Variants in CIAO1 observed in about 807,000 individuals in gnomAD.
CIAO1 encodes the protein probable cytosolic iron-sulfur protein assembly protein CIAO1.
A neutral mutation model predicts 43.1 loss-of-function variants in CIAO1; 32 were observed. The ratio of observed to expected loss-of-function variants is 0.74; its 90% confidence interval spans 0.56 to 1.00. The LOEUF (loss-of-function observed/expected upper bound fraction) is 1.00, where lower values mean the gene tolerates loss of function less well. CIAO1 is among the 50% of genes least tolerant of loss of function. The pLI is 0.00. For missense variants in CIAO1, 415 were observed against 437.4 expected (o/e 0.95, Z 0.46); for synonymous variants, 183 against 171.4 (o/e 1.07, Z -0.53).
chr2:96,268,088 T>C (rs1684473143), intron 4 of CIAO1, 164 bp downstream of exon 4: 1 of 676,028 alleles, frequency 1.5e-6, no homozygotes, highest in South Asian at 1.7e-5. Flanking sequence ...GTGTGGTGGC[T>C]CACACCTATA....
rs1318333286 is a variant in CIAO1 at position 96,266,460 on chromosome 2, A to C, written c.110A>C (p.Asp37Ala). 3 of 1,549,722 alleles carry C rather than the reference A, an allele frequency of 1.9e-6. No homozygotes were observed. The highest frequency in any genetic ancestry group is 2.6e-6 in the Non-Finnish European group (3 of 1,141,728). Residue 37 changes from aspartate (D) to alanine (A), a missense_variant, in exon 1 of 7, where the codon GAC (aspartate) becomes GCC (alanine). Physicochemically the swap from Asp to Ala is moderately radical, Grantham distance 126 (BLOSUM62 -2). Coordinates refer to ENST00000488633, the MANE Select transcript of CIAO1 (RefSeq NM_004804.3). Reference sequence around the variant, plus strand: ...ACCCTGCTGGCCTCGTGCGGCGGCGACCGGAGAATCCGCATCTGGGGCACG... The same window carrying C: ...ACCCTGCTGGCCTCGTGCGGCGGCGCCCGGAGAATCCGCATCTGGGGCACG... The part of the protein sequence containing the change: ...AGTLLASCGG[D>A]RRIRIWGTEG...
chr2:96,269,440 C>T (rs1573981962), intron 6 of CIAO1, 85 bp downstream of exon 6: 1 of 1,289,100 alleles, frequency 7.8e-7, no homozygotes, highest in South Asian at 1.2e-5. Flanking sequence ...CTCTGCAACC[C>T]TGGGGGAGTG....
intron 1 of CIAO1, 53 bp from the exon 2 acceptor site, chr2:96,267,268 G>C: frequency 6.5e-7 from 1 of 1,543,916 alleles, no homozygotes; most frequent in African/African-American, 1.4e-5. Flanking sequence ...GATATTGAAT[G>C]GCTTCATGGT....
At position 96,269,304 on chromosome 2, in the gene CIAO1, G is replaced by C; in HGVS notation, c.728G>C (p.Cys243Ser). The C allele has an allele frequency of 6.2e-7, 1 of 1,614,154 alleles. No homozygotes were observed. The highest frequency in any genetic ancestry group is 1.6e-4 in the Middle Eastern group (1 of 6,062). ...ACSGSDPSWK[C>S]ICTLSGFHSR... Reference sequence around the variant, plus strand: ...AGCGGCTCTGACCCCAGTTGGAAATGTATCTGTACTTTGTCCGGCTTCCAC... The same window carrying C: ...AGCGGCTCTGACCCCAGTTGGAAATCTATCTGTACTTTGTCCGGCTTCCAC... Residue 243 changes from cysteine to serine, a missense_variant, in exon 6 of 7, where the codon TGT (cysteine) becomes TCT (serine). Coordinates refer to ENST00000488633, the MANE Select transcript of CIAO1 (RefSeq NM_004804.3).
At chr2:96,269,439 C>G in intron 6 of CIAO1, 84 bp downstream of exon 6, 1 of 1,293,738 alleles carries the variant, frequency 7.7e-7, no homozygotes, top group Middle Eastern at 1.8e-4. Flanking sequence ...CCTCTGCAAC[C>G]CTGGGGGAGT....
At chr2:96,267,945 C>T in intron 4 of CIAO1, 21 bp downstream of exon 4, 1 of 1,598,588 alleles carries the variant, frequency 6.3e-7, no homozygotes. Context: ...AGCAGGGACT[C>T]TTGTGGGAAG....
At chr2:96,267,065 C>T (rs576073194) in intron 1 of CIAO1, among the ~76,000 whole-genome samples, 4 of 131,458 alleles carry the variant, frequency 3.0e-5, no homozygotes, top group African/African-American at 1.2e-4. Flanking sequence ...ACCCAGGAGG[C>T]GAAGATTGCA....
chr2:96,266,403 G>A lies in CIAO1; in HGVS notation c.53G>A (p.Arg18His). 12 of 1,540,640 alleles carry A rather than the reference G, an allele frequency of 7.8e-6. No individual in the cohort carries two copies. The highest frequency in any genetic ancestry group is 1.1e-5 in the Non-Finnish European group (12 of 1,138,642). ...CGTGTCCCGGCGCACCCGGACTCCC[G>A]CTGCTGGTTCCTGGCCTGGAACCCC... ...LGRVPAHPDS[R>H]CWFLAWNPAG... is the part of the protein sequence containing the mutation. The change falls in exon 1 of 7, where the codon CGC becomes CAC. Residue 18 changes from arginine to histidine, a missense_variant. Physicochemically the swap from Arg to His is conservative, Grantham distance 29. Coordinates refer to ENST00000488633, the MANE Select transcript of CIAO1 (RefSeq NM_004804.3).
Position 96,271,606 on chromosome 2 carries a change from A to G in CIAO1, c.*255A>G, listed in dbSNP as rs1558759956. On this transcript the variant is annotated 3_prime_UTR_variant, in exon 7 of 7. Coordinates refer to ENST00000488633, the MANE Select transcript of CIAO1 (RefSeq NM_004804.3). The stretch of plus-strand genomic sequence containing the variant: ...TTTTCTTGCATTAGGGCACAGTGTT[A>G]AATTTTTTGGAGGTAAATATACTAT... The G allele has an allele frequency of 2.2e-6, 1 of 460,524 alleles. No individual in the cohort carries two copies. Among genetic ancestry groups the G allele is most frequent in the South Asian group, 2.7e-5 (1 of 37,582 alleles). 28.5% of individuals were successfully genotyped at this position (460,524 alleles called of 1,614,324 possible).
chr2:96,270,078 G>GA (rs991285189), intron 6 of CIAO1, among the ~76,000 whole-genome samples: 2 of 152,130 alleles, frequency 1.3e-5, no homozygotes, highest in African/African-American at 4.8e-5. Flanking sequence ...CCAAAACAGT[G>GA]AAAAAAACTG....
In CIAO1 at chr2:96,273,764, C is replaced by G. The variant is rs893643300; in HGVS notation, c.*2413C>G. Among the ~76,000 whole-genome samples the G allele has an allele frequency of 1.3e-5, 2 of 151,662 alleles. No homozygotes were observed. Among genetic ancestry groups the G allele is most frequent in the Admixed American group, 1.3e-4 (2 of 15,210 alleles). On this transcript the variant is annotated 3_prime_UTR_variant, in exon 7 of 7. Coordinates refer to ENST00000488633, the MANE Select transcript of CIAO1 (RefSeq NM_004804.3). ...GCTATTTTAAAAACTTTTCCAACTG[C>G]GTATCTGTGTGAAGTCAACTTACTT...
intron 6 of CIAO1, 143 bp downstream of exon 6, chr2:96,269,498 T>G: frequency 1.4e-6 from 1 of 732,800 alleles, no homozygotes; most frequent in Non-Finnish European, 2.4e-6. Flanking sequence ...GGCCTGACTC[T>G]ACCATGCTGG....
intron 1 of CIAO1, 107 bp downstream of exon 1, chr2:96,266,596 G>C: frequency 2.5e-6 from 3 of 1,202,226 alleles, no homozygotes. Context: ...GGCGGAGGGA[G>C]AGTGGGATGT....
rs1449418305 is a variant in CIAO1, at chr2:96,266,429, G to A, written c.79G>A (p.Ala27Thr). The A allele has an allele frequency of 1.3e-6, 2 of 1,562,406 alleles. No individual in the cohort carries two copies. The highest frequency in any genetic ancestry group is 2.8e-5 in the African/African-American group (2 of 71,996). Residue 27 changes from alanine to threonine, a missense_variant, in exon 1 of 7, where the codon GCG (alanine) becomes ACG (threonine). Transcript: ENST00000488633. Reference protein sequence around the residue: ...SRCWFLAWNPAGTLLASCGGD... With the variant: ...SRCWFLAWNPTGTLLASCGGD... Reference sequence around the variant, plus strand: ...CTGCTGGTTCCTGGCCTGGAACCCCGCGGGGACCCTGCTGGCCTCGTGCGG... The same window carrying A: ...CTGCTGGTTCCTGGCCTGGAACCCCACGGGGACCCTGCTGGCCTCGTGCGG...
Position 96,271,521 on chromosome 2 carries a change from T to G in CIAO1, c.*170T>G. On this transcript the variant is annotated 3_prime_UTR_variant, in exon 7 of 7. Coordinates refer to ENST00000488633, the MANE Select transcript of CIAO1 (RefSeq NM_004804.3). ...CACAGAATTGCTTTCCTTCCCCGCC[T>G]TTGACATGAGGCCTTCAGTAAAGAG... 1 of 733,762 alleles carries G rather than the reference T, an allele frequency of 1.4e-6. No individual in the cohort carries two copies. The highest frequency in any genetic ancestry group is 2.2e-6 in the Non-Finnish European group (1 of 460,724). The allele number at this position is 733,762 out of a possible 1,614,324, so 45.5% of individuals were successfully genotyped here.
intron 6 of CIAO1, among the ~76,000 whole-genome samples, chr2:96,269,857 G>T (rs1276586397): frequency 6.6e-6 from 1 of 152,096 alleles, no homozygotes; most frequent in East Asian, 1.9e-4. Flanking sequence ...GCGTTAGCCA[G>T]GATGGTCTCG....
chr2:96,267,214 T>A, intron 1 of CIAO1, 107 bp from the exon 2 acceptor site: 24 of 841,404 alleles, frequency 2.9e-5, no homozygotes, highest in East Asian at 1.1e-4. Context: ...TGAAATACAC[T>A]CCCTGAGCTT....
chr2:96,268,288 G>A (rs1411448097), intron 4 of CIAO1, among the ~76,000 whole-genome samples, 169 bp from the exon 5 acceptor site: 2 of 152,222 alleles, frequency 1.3e-5, no homozygotes, highest in East Asian at 3.8e-4. Flanking sequence ...GGAGACGGGG[G>A]TTACGGTGAG....
At chr2:96,270,809 C>CA (rs531540380) in intron 6 of CIAO1, among the ~76,000 whole-genome samples, 2,671 of 52,730 alleles carry the variant, frequency 0.051, 65 homozygotes, top group Non-Finnish European at 0.071. Flanking sequence ...GACTCCATCT[C>CA]AAAAAAAAAA....
Sources: allele counts gnomAD v4.1 joint callset (sites outside exome capture counted in the v4.1 genomes callset), GRCh38; gene constraint gnomAD v4.1.1; transcripts MANE v1.5; gene names NCBI Gene and HGNC (gene_info 2026-07-23, HGNC 2026-07-21).